CCDC30: variants seen among roughly 807,000 people sequenced by gnomAD.
CCDC30 encodes coiled-coil domain-containing protein 30.
A neutral mutation model predicts 100.2 loss-of-function variants in CCDC30; 70 were observed. The observed-to-expected ratio is 0.70, with a 90% CI of 0.58 to 0.85. The LOEUF is 0.85. Ranked by LOEUF, CCDC30 falls within the 40% of genes least tolerant of loss-of-function variation. The probability of loss-of-function intolerance (pLI) is 0.00; values close to 1 mark genes in which losing one functional copy is unlikely to be tolerated. For missense variants in CCDC30, 652 were observed against 771.2 expected (o/e 0.85, Z 1.83); for synonymous variants, 233 against 269.5 (o/e 0.86, Z 1.33).
intron 15 of CCDC30, among the ~76,000 whole-genome samples, chr1:42,646,668 A>C (rs951728408): frequency 3.9e-5 from 6 of 152,200 alleles, no homozygotes; most frequent in African/African-American, 1.4e-4. Context: ...ATGAGCCCCT[A>C]GACAGCCTTC....
chr1:42,531,650 T>A (rs67027045), intron 6 of CCDC30, among the ~76,000 whole-genome samples: 37,051 of 152,068 alleles, frequency 0.24, 4,907 homozygotes, highest in South Asian at 0.42. Flanking sequence ...TAGTTCCAAC[T>A]ACTCAGGAGG....
intron 6 of CCDC30, among the ~76,000 whole-genome samples, chr1:42,553,193 G>GT (rs1053948768): frequency 2.5e-4 from 38 of 151,120 alleles, no homozygotes; most frequent in African/African-American, 3.6e-4. Context: ...GGACTTTTTT[G>GT]TTTTTTTTTT....
intron 6 of CCDC30, among the ~76,000 whole-genome samples, chr1:42,502,369 C>T (rs551772980): frequency 1.5e-3 from 234 of 152,294 alleles, no homozygotes; most frequent in African/African-American, 5.1e-3. Context: ...TTCCAGGTAC[C>T]GTCTGTCATG....
At chr1:42,636,913 C>G (rs982101408) in intron 11 of CCDC30, among the ~76,000 whole-genome samples, 3 of 126,888 alleles carry the variant, frequency 2.4e-5, no homozygotes, top group African/African-American at 9.1e-5. Context: ...TTGCAGTGAG[C>G]TGAGATCCTG....
chr1:42,466,615 G>A (rs1643593040), intron 1 of CCDC30, among the ~76,000 whole-genome samples: 2 of 151,270 alleles, frequency 1.3e-5, no homozygotes, highest in African/African-American at 4.9e-5. Flanking sequence ...GCAGTGTTGA[G>A]ATCTCGGCTC....
intron 5 of CCDC30, 23 bp from the exon 6 acceptor site, chr1:42,498,795 A>T: frequency 8.8e-7 from 1 of 1,138,830 alleles, no homozygotes; most frequent in Non-Finnish European, 1.1e-6. Flanking sequence ...GAAGTCTACA[A>T]GGTGTTTACT....
upstream of CCDC30, among the ~76,000 whole-genome samples, chr1:42,463,009 G>A (rs1216136686): frequency 6.6e-6 from 1 of 151,262 alleles, no homozygotes; most frequent in African/African-American, 2.5e-5. Context: ...GAGTCCTGGC[G>A]GGAAGTTCTT....
chr1:42,500,323 T>C (rs987729422), intron 6 of CCDC30: 11 of 1,608,476 alleles, frequency 6.8e-6, no homozygotes, highest in African/African-American at 1.3e-5. Context: ...CTCAGCCATA[T>C]CGGGTTTGTC....
chr1:42,529,317 C>T (rs4463715), intron 6 of CCDC30, among the ~76,000 whole-genome samples: 30,622 of 151,946 alleles, frequency 0.2, 3,355 homozygotes, highest in South Asian at 0.42. Flanking sequence ...ACTAAAAATA[C>T]AAAAATTAGC....
chr1:42,631,057 T>C lies in CCDC30; in HGVS notation c.1278-6180T>C, dbSNP rs1413223047. Among the ~76,000 whole-genome samples the C allele has an allele frequency of 2.0e-5, 3 of 152,282 alleles. No individual in the cohort carries two copies. In the East Asian group the frequency reaches 5.8e-4, roughly 29 times the overall value. On this transcript the variant is annotated intron_variant, in intron 11 of 16. Coordinates refer to ENST00000668663, the Ensembl canonical transcript of CCDC30. ...CATCTGTGTCTGGGCATTGAAGAGT[T>C]AGATACTCATTATAGTCTTTGCAGT...
At chr1:42,461,158 A>C (rs115571689), upstream of CCDC30, among the ~76,000 whole-genome samples, 1 of 152,326 alleles carries the variant, frequency 6.6e-6, no homozygotes, top group South Asian at 2.1e-4. Flanking sequence ...ATGGTGTTTC[A>C]TGGAGTAGGG....
intron 6 of CCDC30, among the ~76,000 whole-genome samples, chr1:42,562,958 A>T (rs1314527496): frequency 2.6e-5 from 4 of 152,178 alleles, no homozygotes; most frequent in African/African-American, 7.2e-5. Flanking sequence ...GAAACAATAG[A>T]TGCTGACGAG....
At chr1:42,485,777 G>T (rs903092042) in intron 3 of CCDC30, among the ~76,000 whole-genome samples, 10 of 152,200 alleles carry the variant, frequency 6.6e-5, no homozygotes, top group African/African-American at 2.2e-4. Context: ...TGAGGTGATA[G>T]ATGTGTTAAT....
At chr1:42,537,820 T>G (rs1169419464) in intron 6 of CCDC30, 1 of 157,412 alleles carries the variant, frequency 6.4e-6, no homozygotes, top group Non-Finnish European at 1.4e-5. Flanking sequence ...AAATACAAAA[T>G]TAGCCAGGCG....
chr1:42,545,671 G>A (rs1267722647), intron 6 of CCDC30, 92 bp downstream of exon 9: 5 of 1,150,232 alleles, frequency 4.3e-6, no homozygotes, highest in Non-Finnish European at 6.1e-6. Flanking sequence ...ATTCGGCTGG[G>A]TGCAGTGGCT....
upstream of CCDC30, chr1:42,460,074 T>C (rs1569627012): frequency 7.1e-7 from 1 of 1,409,058 alleles, no homozygotes; most frequent in East Asian, 2.5e-5. Context: ...TTGGCATTTG[T>C]CTTTTAATGA....
intron 6 of CCDC30, among the ~76,000 whole-genome samples, chr1:42,522,015 C>A (rs1384861885): frequency 2.0e-5 from 3 of 151,960 alleles, no homozygotes; most frequent in Non-Finnish European, 4.4e-5. Flanking sequence ...CTCACAGATA[C>A]AAAATTTTCA....
intron 7 of CCDC30, chr1:42,571,278 ACTTGATTT>A (rs1199542521): frequency 6.6e-6 from 1 of 152,242 alleles, no homozygotes; most frequent in Non-Finnish European, 1.5e-5. Context: ...ATTCCAGAAC[ACTTGATTT>A]CTTCTTTTTC....
intron 6 of CCDC30, among the ~76,000 whole-genome samples, chr1:42,511,833 C>A (rs1287770934): frequency 6.6e-6 from 1 of 152,056 alleles, no homozygotes; most frequent in Admixed American, 6.6e-5. Flanking sequence ...AGAGAGTGAC[C>A]TGTCTGAGAC....
Sources: allele counts gnomAD v4.1 joint callset (sites outside exome capture counted in the v4.1 genomes callset), GRCh38; gene constraint gnomAD v4.1.1; transcripts MANE v1.5; gene names NCBI Gene and HGNC (gene_info 2026-07-23, HGNC 2026-07-21).